Variants in FOXP1 observed in about 807,000 individuals in gnomAD.
The protein encoded by FOXP1 is forkhead box P1, also known as forkhead box protein P1.
A neutral mutation model predicts 98.2 loss-of-function variants in FOXP1; 15 were observed. That is an observed-to-expected ratio of 0.15 (90% confidence interval 0.10 to 0.24). The LOEUF (loss-of-function observed/expected upper bound fraction) is 0.24, where lower values mean the gene tolerates loss of function less well. Among genes scored for constraint, FOXP1 ranks in the 10% least tolerant of loss-of-function variants. The pLI is 1.00. For missense variants in FOXP1, 633 were observed against 848.5 expected, an observed-to-expected ratio of 0.75 and a Z score of 3.15; for synonymous variants, 371 against 314.5, an observed-to-expected ratio of 1.18 and a Z score of -1.90.
intron 5 of FOXP1, among the ~76,000 whole-genome samples, chr3:71,282,151 C>T (rs973237971): frequency 2.0e-5 from 3 of 151,898 alleles, no homozygotes; most frequent in South Asian, 2.1e-4. Context: ...CGAGAAGATC[C>T]CTCTAAGTGG....
intron 4 of FOXP1, among the ~76,000 whole-genome samples, chr3:71,348,544 T>TGCGC (rs1267202416): frequency 3.1e-5 from 4 of 127,010 alleles, no homozygotes; most frequent in East Asian, 2.2e-4. Context: ...TGTGTGTGTG[T>TGCGC]GTGTGCGTGC....
At chr3:70,962,149 T>C (rs946657901) in intron 20 of FOXP1, among the ~76,000 whole-genome samples, 2 of 152,250 alleles carry the variant, frequency 1.3e-5, no homozygotes, top group Non-Finnish European at 2.9e-5. Context: ...TCAGCAGGAA[T>C]GCTATTTTTT....
At chr3:71,571,142 T>C (rs1251048367) in intron 2 of FOXP1, 1 of 152,214 alleles carries the variant, frequency 6.6e-6, no homozygotes, top group Non-Finnish European at 1.5e-5. Context: ...TACAGAGAAT[T>C]GTGTTAGAAA....
intron 2 of FOXP1, among the ~76,000 whole-genome samples, chr3:71,548,833 A>ATT (rs1430953120): frequency 2.0e-5 from 3 of 152,084 alleles, no homozygotes; most frequent in Non-Finnish European, 4.4e-5. Context: ...AATCACTAAT[A>ATT]TTTCATCAGC....
intron 2 of FOXP1, 135 bp downstream of exon 2, chr3:71,581,414 C>G (rs1176209595): frequency 9.1e-6 from 9 of 985,376 alleles, no homozygotes; most frequent in Non-Finnish European, 1.1e-5. Context: ...TGAGGATGGG[C>G]ACATTCCTCG....
chr3:71,059,903 T>A (rs2051236468), intron 7 of FOXP1, among the ~76,000 whole-genome samples: 2 of 152,104 alleles, frequency 1.3e-5, no homozygotes, highest in African/African-American at 4.8e-5. Flanking sequence ...AGACAGCAAC[T>A]GTTTCCATCC....
chr3:71,372,486 A>C lies in FOXP1; in HGVS notation c.-167-13242T>G, dbSNP rs548177137. 1.1e-4 allele frequency among the ~76,000 whole-genome samples: 16 copies of C among 152,102 alleles called. No individual in the cohort carries two copies. In the South Asian group the frequency reaches 2.9e-3, roughly 28 times the overall value. ...TTTCACTTGCACTCTCTGCTTCTTT[A>C]TACTAGAGGACAAACTCCAGGAGAA... On this transcript the variant is annotated intron_variant, in intron 3 of 20. Coordinates refer to ENST00000649528, the MANE Select transcript of FOXP1 (RefSeq NM_001349338.3).
At chr3:71,008,109 A>G (rs890073247) in intron 12 of FOXP1, among the ~76,000 whole-genome samples, 4 of 152,214 alleles carry the variant, frequency 2.6e-5, no homozygotes, top group African/African-American at 7.2e-5. Flanking sequence ...CACTTAAAAG[A>G]AAAACTAGGA....
chr3:71,064,745 G>T, intron 7 of FOXP1: 1 of 962,674 alleles, frequency 1.0e-6, no homozygotes, highest in Non-Finnish European at 1.2e-6. Flanking sequence ...GCCTTCCCCA[G>T]CGAGGCCCCC....
chr3:71,145,233 T>C (rs555137989), intron 6 of FOXP1, among the ~76,000 whole-genome samples: 3 of 150,728 alleles, frequency 2.0e-5, no homozygotes, highest in Non-Finnish European at 4.4e-5. Flanking sequence ...TATTTATTTA[T>C]TTTTTTTAAA....
At chr3:71,480,751 T>A (rs1369424099) in intron 3 of FOXP1, among the ~76,000 whole-genome samples, 1 of 152,152 alleles carries the variant, frequency 6.6e-6, no homozygotes, top group Non-Finnish European at 1.5e-5. Flanking sequence ...AGAGATGGGT[T>A]TTCTAGAATC....
At chr3:71,324,712 A>G (rs1416165291) in intron 4 of FOXP1, among the ~76,000 whole-genome samples, 1 of 152,176 alleles carries the variant, frequency 6.6e-6, no homozygotes, top group African/African-American at 2.4e-5. Flanking sequence ...ACATGTATAC[A>G]TATGTAACAA....
chr3:71,552,770 G>A (rs186596441), intron 2 of FOXP1, among the ~76,000 whole-genome samples: 2 of 151,920 alleles, frequency 1.3e-5, no homozygotes, highest in African/African-American at 2.4e-5. Context: ...TAAATGCCAG[G>A]TGCTTTGTAT....
At chr3:71,557,339 A>G (rs1004135134) in intron 2 of FOXP1, among the ~76,000 whole-genome samples, 1 of 151,988 alleles carries the variant, frequency 6.6e-6, no homozygotes, top group Non-Finnish European at 1.5e-5. Flanking sequence ...CAAATGGTCA[A>G]TTTATATCTT....
At chr3:71,062,006 T>C (rs1013192610) in intron 7 of FOXP1, among the ~76,000 whole-genome samples, 40 of 152,168 alleles carry the variant, frequency 2.6e-4, no homozygotes, top group African/African-American at 9.2e-4. Context: ...TATCTTCCAA[T>C]TGTGTGGAGG....
At chr3:71,319,116 T>C (rs1348681443) in intron 4 of FOXP1, among the ~76,000 whole-genome samples, 1 of 152,218 alleles carries the variant, frequency 6.6e-6, no homozygotes, top group Non-Finnish European at 1.5e-5. Flanking sequence ...TTGACCGCTT[T>C]ACTGCCACAA....
At chr3:71,398,340 C>T (rs972280025) in intron 3 of FOXP1, among the ~76,000 whole-genome samples, 1 of 152,148 alleles carries the variant, frequency 6.6e-6, no homozygotes, top group African/African-American at 2.4e-5. Context: ...TAAAACAGTG[C>T]TGGGATTTTC....
chr3:71,067,366 A>C (rs1257869234), intron 7 of FOXP1, among the ~76,000 whole-genome samples: 1 of 152,246 alleles, frequency 6.6e-6, no homozygotes, highest in Non-Finnish European at 1.5e-5. Flanking sequence ...CATAAGTGGA[A>C]TATAATATAA....
chr3:70,994,720 C>T (rs2041119516), intron 13 of FOXP1, among the ~76,000 whole-genome samples: 1 of 152,200 alleles, frequency 6.6e-6, no homozygotes, highest in South Asian at 2.1e-4. Flanking sequence ...GGTACACACA[C>T]CTCCACCCCC....
Sources: gnomAD v4.1 joint callset for allele counts (sites outside exome capture counted in the v4.1 genomes callset) on GRCh38, gnomAD v4.1.1 for gene constraint, MANE v1.5 for transcripts, NCBI Gene and HGNC (gene_info 2026-07-23, HGNC 2026-07-21) for gene names.